The following INSR variants were observed in gnomAD, a reference collection of about 807,000 sequenced individuals.
INSR encodes the protein insulin receptor.
Under a neutral mutation model 142.6 loss-of-function variants are expected in INSR, and 67 were observed. The ratio of observed to expected loss-of-function variants is 0.47; its 90% CI spans 0.39 to 0.58. The LOEUF is 0.58. Ranked by LOEUF, INSR falls within the 20% of genes least tolerant of loss-of-function variation. The pLI is 0.00. For synonymous variants in INSR, 756 were observed against 743.1 expected (o/e 1.02, Z -0.28); for missense variants, 1,248 against 1,833.2 (o/e 0.68, Z 5.83).
intron 19 of INSR, 173 bp downstream of exon 19, chr19:7,122,441 C>T (rs1017567091): frequency 6.9e-5 from 48 of 692,998 alleles, no homozygotes; most frequent in Non-Finnish European, 8.0e-5. Context: ...AGTAAGACTC[C>T]GTCTCAAAAA....
chr19:7,116,290 T>C lies in INSR; in HGVS notation c.*766A>G, dbSNP rs1470325033. 1 of 151,644 alleles carries C rather than the reference T, an allele frequency of 6.6e-6. No homozygotes were observed. Among genetic ancestry groups the C allele is most frequent in the East Asian group, 1.9e-4 (1 of 5,140 alleles). 9.4% of individuals were successfully genotyped at this position (151,644 alleles called of 1,614,324 possible). A position where few individuals can be genotyped will look rare whatever the true frequency, so the allele number is the denominator to read the frequency against. ...GTCGAGAGCACAGTCTCCCAGTCAA[T>C]AAGAAGGAAGGAGAGAGGGGGATGA... On this transcript the variant is annotated 3_prime_UTR_variant, in exon 22 of 22. Transcript: ENST00000302850.
At chr19:7,161,864 G>A (rs188987893) in intron 9 of INSR, among the ~76,000 whole-genome samples, 4 of 152,178 alleles carry the variant, frequency 2.6e-5, no homozygotes, top group Admixed American at 6.6e-5. Flanking sequence ...TCTTCAGTGC[G>A]TGCTTGTGTT....
At chr19:7,254,590 A>G (rs1976832779) in intron 2 of INSR, among the ~76,000 whole-genome samples, 1 of 152,082 alleles carries the variant, frequency 6.6e-6, no homozygotes. Flanking sequence ...GAAAGGGGAG[A>G]TAGGATAAGG....
At chr19:7,238,514 G>A (rs1013589530) in intron 2 of INSR, among the ~76,000 whole-genome samples, 2 of 150,072 alleles carry the variant, frequency 1.3e-5, no homozygotes, top group Admixed American at 6.7e-5. Flanking sequence ...CCAGCTACCC[G>A]AGAGGCTGAG....
intron 2 of INSR, among the ~76,000 whole-genome samples, chr19:7,218,688 C>T (rs1975510705): frequency 6.6e-6 from 1 of 152,046 alleles, no homozygotes; most frequent in Non-Finnish European, 1.5e-5. Context: ...TCAGAGGCAC[C>T]CGCTGCCACA....
intron 1 of INSR, among the ~76,000 whole-genome samples, chr19:7,282,237 C>T (rs555903634): frequency 4.0e-4 from 61 of 151,646 alleles, no homozygotes; most frequent in African/African-American, 1.4e-3. Context: ...TGGTGGTGTA[C>T]GCCTGTAATC....
intron 2 of INSR, among the ~76,000 whole-genome samples, chr19:7,205,192 T>C (rs1054247849): frequency 3.9e-5 from 6 of 152,150 alleles, no homozygotes; most frequent in Non-Finnish European, 5.9e-5. Flanking sequence ...CCATCTGAGC[T>C]CCAGATACAA....
At chr19:7,141,920 A>G (rs1973079248) in intron 12 of INSR, 104 bp from the exon 13 acceptor site, 1 of 884,656 alleles carries the variant, frequency 1.1e-6, no homozygotes, top group East Asian at 2.6e-5. Context: ...TCATTTTCCC[A>G]CAACCCATTT....
chr19:7,189,600 T>TGATG (rs1974521679), intron 2 of INSR, among the ~76,000 whole-genome samples: 1 of 151,950 alleles, frequency 6.6e-6, no homozygotes, highest in South Asian at 2.1e-4. Context: ...TAAAAGCAAG[T>TGATG]GATGGGCCAG....
chr19:7,119,026 A>C lies in INSR; in HGVS notation c.3794+423T>G, dbSNP rs1390639165. Among the ~76,000 whole-genome samples the C allele has an allele frequency of 6.6e-6, 1 of 152,048 alleles. No individual in the cohort carries two copies. The highest frequency in any genetic ancestry group is 2.4e-5 in the African/African-American group (1 of 41,394). ...AACTACCGCTATAGGTGTTTTGTGCAACCTTCCAAAGATACAATATGCAAG... is the reference window on the plus strand; with the variant it reads ...AACTACCGCTATAGGTGTTTTGTGCCACCTTCCAAAGATACAATATGCAAG... On this transcript the variant is annotated intron_variant, in intron 21 of 21. Coordinates refer to ENST00000302850, the MANE Select transcript of INSR (RefSeq NM_000208.4). The surrounding 1 kb of genome is among the most constrained non-coding windows in gnomAD (Gnocchi z 5.2).
intron 2 of INSR, among the ~76,000 whole-genome samples, chr19:7,231,295 G>T (rs370771987): frequency 2.2e-5 from 3 of 135,032 alleles, no homozygotes; most frequent in East Asian, 2.4e-4. Context: ...GGTGTTTTTT[G>T]TTTTTTTTTT....
chr19:7,243,289 A>G (rs991314891), intron 2 of INSR, among the ~76,000 whole-genome samples: 1 of 115,812 alleles, frequency 8.6e-6, no homozygotes, highest in South Asian at 3.1e-4. Context: ...TCTACTGCCC[A>G]GGCTGGAGTG....
intron 3 of INSR, among the ~76,000 whole-genome samples, chr19:7,180,704 C>T (rs895291165): frequency 6.6e-6 from 1 of 151,862 alleles, no homozygotes; most frequent in African/African-American, 2.4e-5. Flanking sequence ...TTCTCAAATG[C>T]AGGGACAAGC....
chr19:7,151,492 G>C (rs1599910461), intron 10 of INSR, among the ~76,000 whole-genome samples: 1 of 145,524 alleles, frequency 6.9e-6, no homozygotes, highest in Non-Finnish European at 1.5e-5. Flanking sequence ...TCACTCTGTT[G>C]CTCAGGCTGG....
rs1967760959 is a variant in INSR at position 7,267,230 on chromosome 19, C to A, written c.652+115G>T. 2.8e-6 allele frequency: 3 copies of A among 1,076,490 alleles called. No homozygotes were observed. In the Admixed American group the frequency reaches 5.6e-5, roughly 20 times the overall value. 66.7% of individuals were successfully genotyped at this position (1,076,490 alleles called of 1,614,324 possible). ...CCCTGGGCTAGTGAATGCCACCACC[C>A]ACTATTCCCCGGCCCCTACCTAATG... is the stretch of plus-strand genomic sequence containing the variant. On this transcript the variant is annotated intron_variant, in intron 2 of 21. Transcript: ENST00000302850. This position sits in a 1 kb window ranked among gnomAD's most constrained non-coding sequence, Gnocchi z 6.3.
Position 7,152,815 on chromosome 19 carries a change from C to G in INSR, c.2142G>C (p.Lys714Asn). 1 of 1,613,620 alleles carries G rather than the reference C, an allele frequency of 6.2e-7. No individual in the cohort carries two copies. ...DSAGECCSCP[K>N]TDSQILKELE... ...GCTCCTTCAGGATCTGAGAGTCTGT[C>G]TTTGGACAGGAGCAGCATTCGCCGG... The change falls in exon 10 of 22, where the codon AAG becomes AAC. Residue 714 changes from lysine (K) to asparagine (N), a missense_variant. Around this residue, in one of 3 missense-constraint regions of INSR, gnomAD observed 1,069 missense variants for 1,654.0 expected, o/e 0.65. Coordinates refer to ENST00000302850, the MANE Select transcript of INSR (RefSeq NM_000208.4).
Position 7,294,338 on chromosome 19 carries a change from G to C in INSR, c.-447C>G, listed in dbSNP as rs896208188. On this transcript the variant is annotated 5_prime_UTR_variant, in exon 1 of 22. Coordinates refer to ENST00000302850, the MANE Select transcript of INSR (RefSeq NM_000208.4). ...GGTGGCGGGCGGGCGGCGGGAGAGA[G>C]GGCTGCTCGGGCCCGTAAACAACGC... Among the ~76,000 whole-genome samples the C allele has an allele frequency of 6.6e-6, 1 of 151,596 alleles. No individual in the cohort carries two copies.
At position 7,166,311 on chromosome 19, in the gene INSR, G is replaced by A. The variant is rs574579535; in HGVS notation, c.1704C>T (p.Asn568=). 15 of 1,614,150 alleles carry A rather than the reference G, an allele frequency of 9.3e-6. No homozygotes were observed. The highest frequency in any genetic ancestry group is 4.5e-5 in the East Asian group (2 of 44,884). Residue 568 remains asparagine (N), a synonymous_variant, in exon 8 of 22, where the codon AAC becomes AAT. Transcript: ENST00000302850. This position sits in a 1 kb window ranked among gnomAD's most constrained non-coding sequence, Gnocchi z 4.1. The part of the protein sequence containing the change: ...VVDIDPPLRS[N]DPKSQNHPGW... ...CTGGGTGGTTCTGTGATTTGGGGTC[G>A]TTGGACCTCAGGGGTGGGTCAATGT... is the stretch of plus-strand genomic sequence containing the variant.
chr19:7,154,016 C>T (rs530502208), intron 9 of INSR, among the ~76,000 whole-genome samples: 1 of 152,084 alleles, frequency 6.6e-6, no homozygotes, highest in African/African-American at 2.4e-5. Context: ...CAAAAATTAG[C>T]CAGGTGTAGT....
Sources: allele counts gnomAD v4.1 joint callset (sites outside exome capture counted in the v4.1 genomes callset), GRCh38; gene constraint gnomAD v4.1.1; regional missense constraint gnomAD v4.1.1; non-coding constraint Gnocchi (gnomAD v3.1); transcripts MANE v1.5; gene names NCBI Gene and HGNC (gene_info 2026-07-23, HGNC 2026-07-21).